The following PAPPA2 variants were observed in gnomAD, a reference collection of about 807,000 sequenced individuals.
PAPPA2 encodes pappalysin-2.
Under a neutral mutation model 176.4 loss-of-function variants are expected in PAPPA2, and 86 were observed. That is an observed-to-expected ratio of 0.49 (90% confidence interval 0.41 to 0.58). PAPPA2 has a LOEUF of 0.58. PAPPA2 is among the 20% of genes least tolerant of loss of function. The probability of loss-of-function intolerance (pLI) is 0.00; values close to 1 mark genes in which losing one functional copy is unlikely to be tolerated. For missense variants in PAPPA2, 2,073 were observed against 2,256.9 expected, an observed-to-expected ratio of 0.92 and a Z score of 1.65; for synonymous variants, 809 against 852.2, an observed-to-expected ratio of 0.95 and a Z score of 0.88.
intron 1 of PAPPA2, among the ~76,000 whole-genome samples, chr1:176,480,110 G>C (rs1027644531): frequency 3.9e-5 from 6 of 152,168 alleles, no homozygotes; most frequent in African/African-American, 1.4e-4. Context: ...AAGCCGGCTG[G>C]TGGGGGAGGG....
intron 3 of PAPPA2, among the ~76,000 whole-genome samples, chr1:176,653,170 C>T (rs1424022258): frequency 9.9e-5 from 15 of 151,670 alleles, no homozygotes; most frequent in Admixed American, 8.6e-4. Context: ...CCTAGTAAGC[C>T]GTTTTCTATT....
At position 176,510,486 on chromosome 1, in the gene PAPPA2, G is replaced by A. The variant is rs549022970; in HGVS notation, c.-916-44921G>A. Among the ~76,000 whole-genome samples, 9 of 152,136 alleles carry A rather than the reference G, an allele frequency of 5.9e-5. 1 individual carries two copies. The highest frequency in any genetic ancestry group is 8.8e-5 in the Non-Finnish European group (6 of 67,966). ...ATGGCTTTTCAAAGAAAAGTTGAAA[G>A]AACTTGTATTTATGAGATCTGAACT... On this transcript the variant is annotated intron_variant, in intron 1 of 22. Transcript: ENST00000367662.
At chr1:176,653,959 G>A (rs1249685495) in intron 3 of PAPPA2, among the ~76,000 whole-genome samples, 1 of 151,346 alleles carries the variant, frequency 6.6e-6, no homozygotes, top group Non-Finnish European at 1.5e-5. Context: ...AGACCTCTTT[G>A]GCAGTTTTTT....
At chr1:176,640,462 G>A (rs968057106) in intron 3 of PAPPA2, among the ~76,000 whole-genome samples, 11 of 150,876 alleles carry the variant, frequency 7.3e-5, no homozygotes, top group South Asian at 2.1e-4. Context: ...TCGTTCTTGC[G>A]ATAGTTTACT....
At chr1:176,614,798 T>C (rs1452065910) in intron 3 of PAPPA2, among the ~76,000 whole-genome samples, 1 of 152,174 alleles carries the variant, frequency 6.6e-6, no homozygotes, top group Non-Finnish European at 1.5e-5. Context: ...AAATATATGG[T>C]TGAACTAACA....
intron 12 of PAPPA2, among the ~76,000 whole-genome samples, chr1:176,735,845 T>A (rs1662387901): frequency 6.6e-6 from 1 of 152,066 alleles, no homozygotes; most frequent in Non-Finnish European, 1.5e-5. Context: ...TCACTAGCAA[T>A]CCCTCTATCA....
rs1198876576 is a variant in PAPPA2, at chr1:176,734,412, A to ACACG, written c.3799-5211_3799-5210insGCAC. On this transcript the variant is annotated intron_variant, in intron 12 of 22. Coordinates refer to ENST00000367662, the MANE Select transcript of PAPPA2 (RefSeq NM_020318.3). Reference sequence around the variant, plus strand: ...TTCTGAAACACACACACACACACACACACACACACACAAACTCATGATGTG... The same window carrying ACACG: ...TTCTGAAACACACACACACACACACACACGCACACACACACAAACTCATGATGTG... Among the ~76,000 whole-genome samples, 6 of 151,978 alleles carry ACACG rather than the reference A, an allele frequency of 3.9e-5. No homozygotes were observed. The East Asian group carries it at 1.2e-3, about 29-fold the overall frequency.
intron 1 of PAPPA2, among the ~76,000 whole-genome samples, chr1:176,517,514 T>TA (rs1206530950): frequency 6.6e-6 from 1 of 152,138 alleles, no homozygotes; most frequent in African/African-American, 2.4e-5. Flanking sequence ...TGTGAGGAGA[T>TA]ACCCATGACA....
At chr1:176,491,304 T>C (rs1647276674) in intron 1 of PAPPA2, among the ~76,000 whole-genome samples, 1 of 152,198 alleles carries the variant, frequency 6.6e-6, no homozygotes, top group African/African-American at 2.4e-5. Flanking sequence ...GTGGATTAGA[T>C]GCTATAGGAG....
chr1:176,694,915 G>A (rs1009580403), intron 6 of PAPPA2, among the ~76,000 whole-genome samples: 3 of 152,214 alleles, frequency 2.0e-5, no homozygotes, highest in African/African-American at 7.2e-5. Flanking sequence ...AGCCCTAAGA[G>A]AGGATCCAGC....
chr1:176,519,755 C>T (rs908952219), intron 1 of PAPPA2, among the ~76,000 whole-genome samples: 2 of 152,174 alleles, frequency 1.3e-5, no homozygotes, highest in African/African-American at 4.8e-5. Flanking sequence ...TTATCACAAA[C>T]CCTCCACATT....
chr1:176,557,963 G>C (rs1250511260), intron 2 of PAPPA2, among the ~76,000 whole-genome samples: 1 of 152,172 alleles, frequency 6.6e-6, no homozygotes, highest in Non-Finnish European at 1.5e-5. Flanking sequence ...AGGAGCACTG[G>C]TCTGGGAACA....
At chr1:176,541,550 A>G (rs1650362545) in intron 1 of PAPPA2, among the ~76,000 whole-genome samples, 1 of 152,206 alleles carries the variant, frequency 6.6e-6, no homozygotes, top group Non-Finnish European at 1.5e-5. Context: ...ATATTCCTCT[A>G]GTGCATAGAT....
At chr1:176,579,582 G>C (rs1652845041) in intron 2 of PAPPA2, among the ~76,000 whole-genome samples, 1 of 152,186 alleles carries the variant, frequency 6.6e-6, no homozygotes, top group South Asian at 2.1e-4. Flanking sequence ...TCATCTGCAA[G>C]TAGTGGTCTG....
At chr1:176,712,077 A>T (rs80189981) in intron 12 of PAPPA2, 96 bp downstream of exon 12, 4 of 1,416,110 alleles carry the variant, frequency 2.8e-6, no homozygotes, top group Non-Finnish European at 3.8e-6. Flanking sequence ...CATTTGGATG[A>T]CTTGTCAGAA....
chr1:176,787,958 G>A (rs1369109868), intron 17 of PAPPA2, among the ~76,000 whole-genome samples: 2 of 152,232 alleles, frequency 1.3e-5, no homozygotes, highest in Admixed American at 6.5e-5. Context: ...TACTTGGGAG[G>A]CTGAGGCAGG....
intron 21 of PAPPA2, among the ~76,000 whole-genome samples, chr1:176,835,165 G>A (rs1345519047): frequency 6.6e-6 from 1 of 152,164 alleles, no homozygotes; most frequent in Non-Finnish European, 1.5e-5. Context: ...TCAAATAGTG[G>A]TGGTGTGGCA....
intron 2 of PAPPA2, among the ~76,000 whole-genome samples, chr1:176,590,007 A>G (rs1653559359): frequency 6.6e-6 from 1 of 152,078 alleles, no homozygotes; most frequent in South Asian, 2.1e-4. Flanking sequence ...CTACTCTATG[A>G]CTCCAATTTG....
chr1:176,700,358 G>A (rs939888892), intron 8 of PAPPA2, among the ~76,000 whole-genome samples: 1 of 152,244 alleles, frequency 6.6e-6, no homozygotes, highest in African/African-American at 2.4e-5. Context: ...GCAAAACAAA[G>A]TTTTATCAGA....
Sources: allele counts gnomAD v4.1 joint callset (sites outside exome capture counted in the v4.1 genomes callset), GRCh38; gene constraint gnomAD v4.1.1; transcripts MANE v1.5; gene names NCBI Gene and HGNC (gene_info 2026-07-23, HGNC 2026-07-21).